SAMSN1: variants seen among roughly 807,000 people sequenced by gnomAD.
SAMSN1 encodes SAM domain, SH3 domain and nuclear localization signals 1, also known as SAM domain-containing protein SAMSN-1.
A neutral mutation model predicts 42.0 loss-of-function variants in SAMSN1; 31 were observed. That is an observed-to-expected ratio of 0.74 (90% CI 0.55 to 1.00). The LOEUF (loss-of-function observed/expected upper bound fraction) is 1.00. Among genes scored for constraint, SAMSN1 ranks in the 50% least tolerant of loss-of-function variants. SAMSN1 has a pLI of 0.00. For missense variants in SAMSN1, 464 were observed against 439.4 expected (o/e 1.06, Z -0.50); for synonymous variants, 178 against 151.9 (o/e 1.17, Z -1.26).
chr21:14,597,508 A>G (rs1982304658), intron 6 of SAMSN1, among the ~76,000 whole-genome samples: 1 of 152,174 alleles, frequency 6.6e-6, no homozygotes, highest in Non-Finnish European at 1.5e-5. Flanking sequence ...TTGTGCAATA[A>G]GAGGTGAGTC....
At chr21:14,565,063 G>C (rs570195740) in intron 2 of SAMSN1, among the ~76,000 whole-genome samples, 1 of 152,146 alleles carries the variant, frequency 6.6e-6, no homozygotes, top group South Asian at 2.1e-4. Flanking sequence ...GGGAGGCTGA[G>C]GTGGGTGGAT....
chr21:14,658,114 G>C lies in SAMSN1; in HGVS notation c.24+634C>G, dbSNP rs535692294. On this transcript the variant is annotated intron_variant, in intron 1 of 15. Transcript: ENST00000647101. ...GGCAGATGGTCACAATTGCAGGTTA[G>C]AGTTATAAAGTATTTTCAGATCCAT... Among the ~76,000 whole-genome samples the C allele has an allele frequency of 2.6e-5, 4 of 151,904 alleles. No individual in the cohort carries two copies. In the South Asian group the frequency reaches 8.3e-4, roughly 32 times the overall value.
chr21:14,545,426 G>A (rs1290614477), intron 1 of SAMSN1, among the ~76,000 whole-genome samples: 1 of 152,098 alleles, frequency 6.6e-6, no homozygotes, highest in South Asian at 2.1e-4. Flanking sequence ...GAAAAGAAAT[G>A]TACAAGTATT....
intron 6 of SAMSN1, among the ~76,000 whole-genome samples, chr21:14,499,899 G>T (rs1311719250): frequency 1.3e-5 from 2 of 152,118 alleles, no homozygotes; most frequent in Admixed American, 6.6e-5. Context: ...TTTAGAAATG[G>T]ATTGCAAAAC....
At chr21:14,502,363 C>G (rs1415479295) in intron 5 of SAMSN1, among the ~76,000 whole-genome samples, 1 of 152,154 alleles carries the variant, frequency 6.6e-6, no homozygotes, top group Non-Finnish European at 1.5e-5. Context: ...CATGGAAACC[C>G]TTCACTGCAT....
intron 5 of SAMSN1, among the ~76,000 whole-genome samples, chr21:14,607,205 CCA>C (rs978323930): frequency 8.5e-5 from 13 of 152,262 alleles, no homozygotes; most frequent in African/African-American, 3.1e-4. Flanking sequence ...TCACTGAACT[CCA>C]CAGACTGCCT....
chr21:14,579,928 T>TAG, intron 2 of SAMSN1, among the ~76,000 whole-genome samples: 1 of 152,338 alleles, frequency 6.6e-6, no homozygotes, highest in Non-Finnish European at 1.5e-5. Context: ...GAGGGCAGTG[T>TAG]AGATATCATT....
At position 14,564,666 on chromosome 21, in the gene SAMSN1, T is replaced by C. The variant is rs1024112811; in HGVS notation, c.261+17470A>G. 2.6e-5 allele frequency among the ~76,000 whole-genome samples: 4 copies of C among 152,210 alleles called. No individual in the cohort carries two copies. In the East Asian group the frequency reaches 5.8e-4, roughly 22 times the overall value. On this transcript the variant is annotated intron_variant, in intron 2 of 8. Coordinates refer to the SAMSN1 transcript ENST00000285670. ...AGCAGTTGGCTGTACATCTAAAGCTTTATTTTATAGTCAAAGAAGATCGCC... is the reference window on the plus strand; with the variant it reads ...AGCAGTTGGCTGTACATCTAAAGCTCTATTTTATAGTCAAAGAAGATCGCC...
intron 1 of SAMSN1, among the ~76,000 whole-genome samples, chr21:14,646,312 C>T (rs945472905): frequency 9.9e-5 from 15 of 152,158 alleles, no homozygotes; most frequent in African/African-American, 2.9e-4. Flanking sequence ...CCTATATGTC[C>T]GGCAACAGAC....
intron 5 of SAMSN1, among the ~76,000 whole-genome samples, chr21:14,504,575 T>C (rs1156507606): frequency 1.3e-5 from 2 of 152,044 alleles, no homozygotes; most frequent in African/African-American, 4.8e-5. Context: ...TAAGAAAATA[T>C]GAACAAAGCC....
chr21:14,582,156 T>C (rs756711921), exon 2 of SAMSN1: 133 of 1,549,190 alleles, frequency 8.6e-5, no homozygotes, highest in Non-Finnish European at 1.1e-4. Flanking sequence ...AGGAGATCCA[T>C]ATCTGAGCAG....
chr21:14,521,354 G>T, intron 1 of SAMSN1, 133 bp from the exon 2 acceptor site: 1 of 578,006 alleles, frequency 1.7e-6, no homozygotes, highest in East Asian at 2.9e-5. Flanking sequence ...TCTTCTCTCT[G>T]GAATATCCAA....
At chr21:14,526,381 C>T (rs1262587262) in intron 1 of SAMSN1, among the ~76,000 whole-genome samples, 1 of 152,192 alleles carries the variant, frequency 6.6e-6, no homozygotes, top group African/African-American at 2.4e-5. Context: ...CCTTCTTCCA[C>T]ACAGTCCACT....
chr21:14,558,714 A>C (rs772206371), intron 2 of SAMSN1, among the ~76,000 whole-genome samples: 2 of 152,010 alleles, frequency 1.3e-5, no homozygotes, highest in Non-Finnish European at 2.9e-5. Context: ...CAACAACAAC[A>C]ACAACCAAAA....
At chr21:14,545,049 A>G (rs1980298758) in intron 1 of SAMSN1, among the ~76,000 whole-genome samples, 1 of 152,148 alleles carries the variant, frequency 6.6e-6, no homozygotes, top group Non-Finnish European at 1.5e-5. Flanking sequence ...AGGGAAAAAG[A>G]AATCATGATA....
intron 5 of SAMSN1, among the ~76,000 whole-genome samples, chr21:14,503,786 G>A (rs1482135574): frequency 6.6e-6 from 1 of 152,112 alleles, no homozygotes; most frequent in Non-Finnish European, 1.5e-5. Context: ...GCTCCAGAAC[G>A]ATTGCAGAAA....
In SAMSN1 at chr21:14,553,787, G is replaced by A. The variant is rs73161286; in HGVS notation, c.261+28349C>T. Among the ~76,000 whole-genome samples, 618 of 152,172 alleles carry A rather than the reference G, an allele frequency of 4.1e-3. 1 individual carries two copies. The highest frequency in any genetic ancestry group is 6.6e-3 in the Non-Finnish European group (447 of 67,964). ...CAGAAGCCATTGTGATTCCTGTTTT[G>A]TTGTGTATGGCCTGTTTTTTCTTTC... is the stretch of plus-strand genomic sequence containing the variant. On this transcript the variant is annotated intron_variant, in intron 2 of 8. Coordinates refer to the SAMSN1 transcript ENST00000285670.
chr21:14,583,155 A>G (rs1981806553), intron 1 of SAMSN1, among the ~76,000 whole-genome samples: 1 of 152,242 alleles, frequency 6.6e-6, no homozygotes, highest in Non-Finnish European at 1.5e-5. Context: ...TGTAGAAAAC[A>G]GTTACAGAAA....
chr21:14,567,796 G>T, intron 2 of SAMSN1, among the ~76,000 whole-genome samples: 1 of 151,706 alleles, frequency 6.6e-6, no homozygotes, highest in East Asian at 1.9e-4. Context: ...ACTGACCTTG[G>T]GCGAGTTCCT....
Sources: allele counts gnomAD v4.1 joint callset (sites outside exome capture counted in the v4.1 genomes callset), GRCh38; gene constraint gnomAD v4.1.1; transcripts MANE v1.5; gene names NCBI Gene and HGNC (gene_info 2026-07-23, HGNC 2026-07-21).